Variants in C2CD3 observed in about 807,000 individuals in gnomAD.
The protein encoded by C2CD3 is C2 domain-containing protein 3.
Under a neutral mutation model 234.0 loss-of-function variants are expected in C2CD3, and 148 were observed. The ratio of observed to expected loss-of-function variants is 0.63; its 90% CI spans 0.55 to 0.72. The LOEUF is 0.72. C2CD3 is among the 30% of genes least tolerant of loss of function. The pLI, the probability that C2CD3 is intolerant of heterozygous loss-of-function variation, is 0.00. For synonymous variants in C2CD3, 1,000 were observed against 1,035.4 expected (o/e 0.97, Z 0.66); for missense variants, 2,577 against 2,811.5 (o/e 0.92, Z 1.89).
At chr11:74,078,789 C>G in intron 22 of C2CD3, 72 bp from the exon 23 acceptor site, 2 of 1,367,128 alleles carry the variant, frequency 1.5e-6, no homozygotes, top group Non-Finnish European at 2.0e-6. Context: ...TTACTCTCCA[C>G]CCCATAGTGT....
At chr11:74,041,510 C>T (rs1478816944) in intron 29 of C2CD3, among the ~76,000 whole-genome samples, 2 of 152,150 alleles carry the variant, frequency 1.3e-5, no homozygotes, top group Non-Finnish European at 2.9e-5. Flanking sequence ...TATTTGGCAA[C>T]ATGGCTATCT....
At chr11:74,117,049 T>C (rs375242647) in intron 9 of C2CD3, among the ~76,000 whole-genome samples, 2 of 25,226 alleles carry the variant, frequency 7.9e-5, no homozygotes. Context: ...CGTGTGTGTG[T>C]ATATATATAT....
chr11:74,033,565 G>T lies in C2CD3; in HGVS notation c.6595C>A (p.Gln2199Lys). 6.5e-7 allele frequency: 1 copy of T among 1,536,172 alleles called. No individual in the cohort carries two copies. The highest frequency in any genetic ancestry group is 8.7e-7 in the Non-Finnish European group (1 of 1,146,912). The change falls in exon 31 of 33, where the codon CAG becomes AAG. Residue 2199 changes from glutamine (Q) to lysine (K), a missense_variant. Transcript: ENST00000334126. The stretch of plus-strand genomic sequence containing the variant: ...GCCTCTGACTTGGGCTCCTTGTTCT[G>T]ATCTGTCTGTGGTGAGCTCCATCCA... ...FVGWSSPQTD[Q>K]NKEPKSEAPA... is the part of the protein sequence containing the mutation.
chr11:74,121,500 G>C (rs768409712), intron 8 of C2CD3, among the ~76,000 whole-genome samples: 2 of 151,488 alleles, frequency 1.3e-5, no homozygotes, highest in Non-Finnish European at 2.9e-5. Context: ...CCAGCTACTC[G>C]GGAGGCTGAG....
At chr11:74,159,863 C>A (rs915998152) in intron 3 of C2CD3, among the ~76,000 whole-genome samples, 1 of 152,204 alleles carries the variant, frequency 6.6e-6, no homozygotes, top group African/African-American at 2.4e-5. Context: ...AGAGCAACTT[C>A]TAGTCCTGTA....
chr11:74,105,373 C>T lies in C2CD3; in HGVS notation c.2085+998G>A, dbSNP rs537638437. On this transcript the variant is annotated intron_variant, in intron 13 of 32. Coordinates refer to ENST00000334126, the MANE Select transcript of C2CD3 (RefSeq NM_001286577.2). ...GCAACCTCTGCCTCCTGGGTTCAAA[C>T]GATTTTTGTGTCTCAGCCTCCCGAG... is the stretch of plus-strand genomic sequence containing the variant. Among the ~76,000 whole-genome samples, 65 of 152,102 alleles carry T rather than the reference C, an allele frequency of 4.3e-4. 1 individual carries two copies. Among genetic ancestry groups the T allele is most frequent in the African/African-American group, 1.3e-3 (56 of 41,514 alleles).
intron 29 of C2CD3, among the ~76,000 whole-genome samples, chr11:74,038,481 G>A (rs1285488867): frequency 6.6e-6 from 1 of 152,178 alleles, no homozygotes; most frequent in Admixed American, 6.5e-5. Flanking sequence ...AGCAACTTGA[G>A]TTTCAGAGAA....
intron 24 of C2CD3, among the ~76,000 whole-genome samples, chr11:74,068,558 G>A (rs1182781630): frequency 2.0e-5 from 3 of 152,148 alleles, no homozygotes; most frequent in Non-Finnish European, 4.4e-5. Context: ...AAGCTCTGAG[G>A]AAGATCAGCA....
chr11:74,125,882 C>T (rs1957397560), intron 7 of C2CD3, among the ~76,000 whole-genome samples: 1 of 152,150 alleles, frequency 6.6e-6, no homozygotes, highest in East Asian at 1.9e-4. Flanking sequence ...TCCTTAGAAA[C>T]ATCCCTACTG....
chr11:74,039,906 A>C (rs998443422), intron 29 of C2CD3, among the ~76,000 whole-genome samples: 19 of 152,240 alleles, frequency 1.2e-4, no homozygotes, highest in African/African-American at 4.1e-4. Flanking sequence ...CAACCAAATT[A>C]TCAATGGTTT....
intron 3 of C2CD3, among the ~76,000 whole-genome samples, chr11:74,153,042 T>C (rs1013241478): frequency 2.6e-5 from 4 of 152,154 alleles, no homozygotes; most frequent in Admixed American, 1.3e-4. Context: ...CCAGCCAACA[T>C]AGCGAAACCC....
At chr11:74,092,016 TA>T (rs887138354) in intron 19 of C2CD3, among the ~76,000 whole-genome samples, 1 of 151,764 alleles carries the variant, frequency 6.6e-6, no homozygotes, top group Non-Finnish European at 1.5e-5. Context: ...GTATACTGTA[TA>T]TTTTATATAT....
Position 74,053,858 on chromosome 11 carries a change from C to T in C2CD3, c.5155+749G>A, listed in dbSNP as rs183536880. Among the ~76,000 whole-genome samples, 461 of 152,234 alleles carry T rather than the reference C, an allele frequency of 3.0e-3. 1 individual carries two copies. The highest frequency in any genetic ancestry group is 0.01 in the African/African-American group (428 of 41,548). On this transcript the variant is annotated intron_variant, in intron 26 of 32. Transcript: ENST00000334126. ...ATAGGCCAGGTATGGTGGCTCATGC[C>T]TGTAGTGTCAGCACTTTGGGAGGCT...
Position 74,103,464 on chromosome 11 carries a change from TAA to T in C2CD3, c.2245_2246del (p.Leu749LysfsTer5). 1 of 1,614,222 alleles carries T rather than the reference TAA, an allele frequency of 6.2e-7. No individual in the cohort carries two copies. Among genetic ancestry groups the T allele is most frequent in the South Asian group, 1.1e-5 (1 of 91,086 alleles). ...DMTCTKNPQN[L>X]NQIHEETAKK... ...TTGCAGTTTCCTCATGAATTTGGTT[TAA>T]GTTTTGTGGATTTTTGGTACAGGTC... On this transcript the variant is annotated frameshift_variant, in exon 14 of 33. Coordinates refer to ENST00000334126, the MANE Select transcript of C2CD3 (RefSeq NM_001286577.2). LOFTEE classifies it high-confidence loss of function.
At chr11:74,048,022 CCTAT>C (rs1309345007) in intron 28 of C2CD3, among the ~76,000 whole-genome samples, 179 bp downstream of exon 28, 1 of 152,188 alleles carries the variant, frequency 6.6e-6, no homozygotes, top group Non-Finnish European at 1.5e-5. Flanking sequence ...AATTCTAGCT[CCTAT>C]CTTATAAAAA....
rs760131265 is a variant in C2CD3 at position 74,090,970 on chromosome 11, T to A, written c.3518-34A>T. The A allele has an allele frequency of 5.0e-6, 8 of 1,610,274 alleles. No homozygotes were observed. In the South Asian group the frequency reaches 7.7e-5, roughly 16 times the overall value. On this transcript the variant is annotated intron_variant, in intron 19 of 32. Transcript: ENST00000334126. ...TGAGGACACAAGGAAAGAAGGTTGG[T>A]CAGAAGAATCTCTGTTCCACCAAAC...
intron 3 of C2CD3, among the ~76,000 whole-genome samples, chr11:74,147,644 C>T (rs1855307968): frequency 6.6e-6 from 1 of 152,228 alleles, no homozygotes; most frequent in East Asian, 1.9e-4. Context: ...GCCATTTTAA[C>T]TGACATTACT....
chr11:74,054,072 A>G (rs2135435233), intron 26 of C2CD3, among the ~76,000 whole-genome samples: 1 of 152,160 alleles, frequency 6.6e-6, no homozygotes, highest in South Asian at 2.1e-4. Context: ...GGAGATCGAG[A>G]CCACCCTGGC....
In C2CD3 at chr11:74,106,484, T is replaced by C. The variant is rs1316233275; in HGVS notation, c.1972A>G (p.Ile658Val). The change falls in exon 13 of 33, where the codon ATT (isoleucine) becomes GTT (valine). Residue 658 changes from isoleucine to valine, a missense_variant. By Grantham distance (29) the Ile-to-Val change is conservative (BLOSUM62 3). Coordinates refer to ENST00000334126, the MANE Select transcript of C2CD3 (RefSeq NM_001286577.2). The stretch of plus-strand genomic sequence containing the variant: ...CGCAAAGAAAGTGACACAGATCCAA[T>C]GACTTCTGGCTGAGAAAGAAGGAAA... ...KKTPQKKPEV[I>V]GSVSLSLRAV... 1.2e-6 allele frequency: 2 copies of C among 1,613,960 alleles called. No homozygotes were observed. Among genetic ancestry groups the C allele is most frequent in the East Asian group, 2.2e-5 (1 of 44,854 alleles).
Sources: allele counts gnomAD v4.1 joint callset (sites outside exome capture counted in the v4.1 genomes callset), GRCh38; gene constraint gnomAD v4.1.1; transcripts MANE v1.5; gene names NCBI Gene and HGNC (gene_info 2026-07-23, HGNC 2026-07-21).